Variants in PRSS23 observed in about 807,000 individuals in gnomAD.
PRSS23 encodes the protein protease, serine 23.
In PRSS23, 25 loss-of-function variants were observed where a neutral mutation model predicts 34.7. The ratio of observed to expected loss-of-function variants is 0.72; its 90% confidence interval spans 0.53 to 1.01. The LOEUF (loss-of-function observed/expected upper bound fraction) is 1.01. Among genes scored for constraint, PRSS23 ranks in the 50% least tolerant of loss-of-function variants. The pLI is 0.00. For missense variants in PRSS23, 445 were observed against 475.6 expected, an observed-to-expected ratio of 0.94 and a Z score of 0.60; for synonymous variants, 176 against 186.6, an observed-to-expected ratio of 0.94 and a Z score of 0.46.
chr11:86,904,467 C>A (rs985510375), intron 2 of PRSS23, among the ~76,000 whole-genome samples: 1 of 152,180 alleles, frequency 6.6e-6, no homozygotes, highest in Admixed American at 6.5e-5. Context: ...CTAACTCCCA[C>A]AAGTCTTACC....
chr11:86,834,901 T>A (rs533308368), intron 2 of PRSS23, among the ~76,000 whole-genome samples: 1 of 152,222 alleles, frequency 6.6e-6, no homozygotes, highest in Non-Finnish European at 1.5e-5. Flanking sequence ...TATTCCATTA[T>A]CACTGACCAC....
intron 2 of PRSS23, among the ~76,000 whole-genome samples, chr11:86,831,733 C>G (rs772729454): frequency 1.3e-5 from 2 of 151,508 alleles, no homozygotes; most frequent in Non-Finnish European, 2.9e-5. Context: ...AGGTATGTTA[C>G]TACCAATGTC....
chr11:86,821,441 A>G, intron 1 of PRSS23: 3 of 1,573,544 alleles, frequency 1.9e-6, no homozygotes, highest in Admixed American at 1.7e-5. Context: ...AGCACCATCA[A>G]GTATGTGTCT....
rs187490406 is a variant in PRSS23, at chr11:86,820,675, T to C, written c.-11-2702T>C. On this transcript the variant is annotated intron_variant, in intron 1 of 2. Coordinates refer to the PRSS23 transcript ENST00000533902. The stretch of plus-strand genomic sequence containing the variant: ...GAATTTTAAAACACTTTATCTCATT[T>C]GAGGAAAGTTAACAGGTAAGACAAA... 3.3e-4 allele frequency among the ~76,000 whole-genome samples: 50 copies of C among 152,358 alleles called. 1 individual carries two copies. The highest frequency in any genetic ancestry group is 1.2e-3 in the African/African-American group (50 of 41,586).
chr11:86,891,720 C>T lies in PRSS23; in HGVS notation c.207-59496C>T, dbSNP rs117874003. ...TGAATTGTAATCCCCATAATCCCCA[C>T]GTTACAAGGGACCAGGTGGAGGTAA... On this transcript the variant is annotated intron_variant, in intron 2 of 2. Transcript: ENST00000533902. Among the ~76,000 whole-genome samples the T allele has an allele frequency of 2.5e-3, 382 of 152,272 alleles. 4 individuals are homozygous for T. Among genetic ancestry groups the T allele is most frequent in the East Asian group, 9.6e-3 (50 of 5,184 alleles).
At chr11:86,924,564 C>G (rs1172334626) in intron 2 of PRSS23, among the ~76,000 whole-genome samples, 3 of 152,274 alleles carry the variant, frequency 2.0e-5, no homozygotes, top group South Asian at 2.1e-4. Context: ...GACCTGGGTT[C>G]AATTCTTGGC....
At chr11:86,884,520 G>A (rs1408221788) in intron 2 of PRSS23, among the ~76,000 whole-genome samples, 3 of 152,020 alleles carry the variant, frequency 2.0e-5, no homozygotes, top group East Asian at 1.9e-4. Flanking sequence ...AGCTGGTCTC[G>A]AACTCCTGAC....
At chr11:86,939,600 A>G (rs977145927) in intron 2 of PRSS23, among the ~76,000 whole-genome samples, 2 of 151,184 alleles carry the variant, frequency 1.3e-5, no homozygotes, top group African/African-American at 4.8e-5. Context: ...CATTGCGTTT[A>G]CACTATTTAT....
At chr11:86,884,282 C>A (rs769035521) in intron 2 of PRSS23, among the ~76,000 whole-genome samples, 26 of 152,080 alleles carry the variant, frequency 1.7e-4, no homozygotes, top group Non-Finnish European at 3.4e-4. Context: ...ACAAAATATT[C>A]TTGCACTCAT....
intron 2 of PRSS23, among the ~76,000 whole-genome samples, chr11:86,898,808 A>G (rs1192222662): frequency 1.3e-5 from 2 of 152,206 alleles, no homozygotes; most frequent in Non-Finnish European, 2.9e-5. Flanking sequence ...TGGCCTCTAC[A>G]TGGAGAAAAC....
intron 2 of PRSS23, among the ~76,000 whole-genome samples, chr11:86,888,116 T>TAAA (rs1565377628): frequency 2.0e-5 from 2 of 100,184 alleles, no homozygotes; most frequent in Non-Finnish European, 4.3e-5. Flanking sequence ...TTGGTTTTTT[T>TAAA]TAAAAAAAAA....
chr11:86,797,631 C>CT (rs1428114547), upstream of PRSS23, among the ~76,000 whole-genome samples: 9 of 152,262 alleles, frequency 5.9e-5, no homozygotes, highest in Admixed American at 5.9e-4. Flanking sequence ...CTCCATGACT[C>CT]TAACTTGAAA....
chr11:86,861,169 A>G (rs1008275893), intron 2 of PRSS23, among the ~76,000 whole-genome samples: 10 of 150,326 alleles, frequency 6.7e-5, no homozygotes, highest in African/African-American at 2.2e-4. Context: ...GGAAGGTGAT[A>G]TTACTCCCCA....
Position 86,808,428 on chromosome 11 carries a change from A to G in PRSS23, c.785A>G (p.Lys262Arg). ...LKKPHKRKFM[K>R]IGVSPPAKQL... ...AAGCCCCACAAGAGAAAATTTATGA[A>G]GATTGGGGTGAGCCCTCCTGCTAAG... Residue 262 changes from lysine to arginine, a missense_variant, in exon 2 of 2, where the codon AAG becomes AGG. Transcript: ENST00000280258. The G allele has an allele frequency of 6.2e-7, 1 of 1,614,198 alleles. No homozygotes were observed. Among genetic ancestry groups the G allele is most frequent in the Non-Finnish European group, 8.5e-7 (1 of 1,180,034 alleles).
At chr11:86,884,582 G>A (rs1281991469) in intron 2 of PRSS23, among the ~76,000 whole-genome samples, 6 of 152,134 alleles carry the variant, frequency 3.9e-5, no homozygotes, top group African/African-American at 7.2e-5. Flanking sequence ...GATTACAGGC[G>A]TAAGCCACCA....
At chr11:86,818,039 C>T (rs1948226120) in intron 1 of PRSS23, among the ~76,000 whole-genome samples, 1 of 152,130 alleles carries the variant, frequency 6.6e-6, no homozygotes, top group Admixed American at 6.5e-5. Flanking sequence ...TCAGGGAAGG[C>T]AAATTCAGAA....
intron 2 of PRSS23, among the ~76,000 whole-genome samples, chr11:86,942,137 G>A (rs1949210926): frequency 6.6e-6 from 1 of 152,192 alleles, no homozygotes. Flanking sequence ...GGCTCCCAGA[G>A]TTGAATGCAC....
At chr11:86,796,081 A>C (rs1350597523), upstream of PRSS23, among the ~76,000 whole-genome samples, 1 of 152,212 alleles carries the variant, frequency 6.6e-6, no homozygotes, top group East Asian at 1.9e-4. Flanking sequence ...AACTGGAACA[A>C]AAGCAAGATA....
intron 2 of PRSS23, among the ~76,000 whole-genome samples, chr11:86,835,099 G>A (rs1319160209): frequency 6.6e-6 from 1 of 152,232 alleles, no homozygotes; most frequent in African/African-American, 2.4e-5. Context: ...TGGGTTAAGA[G>A]TTGCACAAGT....
Sources: gnomAD v4.1 joint callset for allele counts (sites outside exome capture counted in the v4.1 genomes callset) on GRCh38, gnomAD v4.1.1 for gene constraint, MANE v1.5 for transcripts, NCBI Gene and HGNC (gene_info 2026-07-23, HGNC 2026-07-21) for gene names.